EYS: variants seen among roughly 807,000 people sequenced by gnomAD.
EYS encodes the protein protein eyes shut homolog.
EYS carries 250 observed loss-of-function variants against 282.1 expected under a neutral mutation model. That is an observed-to-expected ratio of 0.89 (90% confidence interval 0.80 to 0.98). EYS has a LOEUF of 0.98. EYS is among the 50% of genes least tolerant of loss of function. The probability of loss-of-function intolerance (pLI) is 0.00; values close to 1 mark genes in which losing one functional copy is unlikely to be tolerated. For synonymous variants in EYS, 1,355 were observed against 1,282.9 expected, an observed-to-expected ratio of 1.06 and a Z score of -1.20; for missense variants, 4,016 against 3,709.0, an observed-to-expected ratio of 1.08 and a Z score of -2.15.
chr6:64,194,187 A>T (rs906583338), intron 31 of EYS, among the ~76,000 whole-genome samples: 7 of 152,126 alleles, frequency 4.6e-5, no homozygotes, highest in Admixed American at 2.6e-4. Context: ...ATAGTTTTTA[A>T]CAAAACTTAG....
chr6:64,085,298 C>T (rs191095199), intron 31 of EYS, among the ~76,000 whole-genome samples: 84 of 147,966 alleles, frequency 5.7e-4, no homozygotes, highest in Middle Eastern at 7.1e-3. Flanking sequence ...CTCTCTCCCC[C>T]TCCTTCTCCT....
At chr6:65,079,071 A>C (rs1001144168) in intron 12 of EYS, among the ~76,000 whole-genome samples, 1 of 151,926 alleles carries the variant, frequency 6.6e-6, no homozygotes, top group African/African-American at 2.4e-5. Context: ...TCTCTTTATA[A>C]ATTGCTCAGT....
chr6:64,747,695 C>G (rs114993761), intron 22 of EYS, among the ~76,000 whole-genome samples: 1 of 152,124 alleles, frequency 6.6e-6, no homozygotes, highest in Admixed American at 6.6e-5. Context: ...CACTTAATAG[C>G]GCCTTCATTT....
Position 65,345,428 on chromosome 6 carries a change from G to T in EYS, c.1460-1251C>A, listed in dbSNP as rs546735335. On this transcript the variant is annotated intron_variant, in intron 9 of 42. Coordinates refer to ENST00000503581, the MANE Select transcript of EYS (RefSeq NM_001142800.2). ...TATGTGTTCCTCCCTCTGTGTTTTT[G>T]TGCAAATTTATGTAGTATTAGAATG... 4.0e-5 allele frequency among the ~76,000 whole-genome samples: 6 copies of T among 151,812 alleles called. No individual in the cohort carries two copies. The East Asian group carries it at 1.2e-3, about 30-fold the overall frequency.
At position 64,130,244 on chromosome 6, in the gene EYS, C is replaced by T. The variant is rs190225238; in HGVS notation, c.6425-48242G>A. ...TGGAACCAACCCAAATGTCCAACAA[C>T]GATCGACTGGATTAAGAAAGTGTGG... is the stretch of plus-strand genomic sequence containing the variant. On this transcript the variant is annotated intron_variant, in intron 31 of 42. Coordinates refer to ENST00000503581, the MANE Select transcript of EYS (RefSeq NM_001142800.2). 1.1e-3 allele frequency among the ~76,000 whole-genome samples: 174 copies of T among 152,264 alleles called. 3 individuals carry two copies. Among genetic ancestry groups the T allele is most frequent in the African/African-American group, 5.1e-4 (21 of 41,536 alleles).
chr6:65,590,838 C>T (rs1426910663), intron 2 of EYS, among the ~76,000 whole-genome samples: 1 of 151,546 alleles, frequency 6.6e-6, no homozygotes, highest in Non-Finnish European at 1.5e-5. Flanking sequence ...CATAATATTA[C>T]ATTGGGTAAA....
intron 40 of EYS, among the ~76,000 whole-genome samples, chr6:63,765,261 T>A (rs1187329280): frequency 1.3e-5 from 2 of 152,058 alleles, no homozygotes; most frequent in Admixed American, 6.6e-5. Flanking sequence ...CATGGACTTC[T>A]GTATTTTGGA....
intron 22 of EYS, among the ~76,000 whole-genome samples, chr6:64,759,069 G>C (rs1773074651): frequency 6.6e-6 from 1 of 152,138 alleles, no homozygotes; most frequent in African/African-American, 2.4e-5. Context: ...AACCCGGGAG[G>C]CGAAGCTTGC....
intron 14 of EYS, among the ~76,000 whole-genome samples, chr6:64,960,557 A>G (rs1410223813): frequency 6.6e-6 from 1 of 152,142 alleles, no homozygotes; most frequent in African/African-American, 2.4e-5. Flanking sequence ...GATTCAACTT[A>G]TATCTACAAT....
At chr6:65,608,416 G>A (rs1053724938) in intron 2 of EYS, among the ~76,000 whole-genome samples, 5 of 152,060 alleles carry the variant, frequency 3.3e-5, no homozygotes, top group Non-Finnish European at 7.4e-5. Flanking sequence ...CAGTGAGTGA[G>A]TGCTGAGTGA....
intron 35 of EYS, among the ~76,000 whole-genome samples, chr6:63,918,369 G>T (rs1042595829): frequency 6.6e-6 from 1 of 152,146 alleles, no homozygotes. Flanking sequence ...ATACTAGGTT[G>T]CATGCCTACT....
At chr6:65,102,943 G>C (rs1774934942) in intron 12 of EYS, among the ~76,000 whole-genome samples, 1 of 151,352 alleles carries the variant, frequency 6.6e-6, no homozygotes, top group African/African-American at 2.4e-5. Flanking sequence ...TGACATGACT[G>C]TACAAAAGTG....
chr6:63,904,055 T>A lies in EYS; in HGVS notation c.7056-39697A>T, dbSNP rs1003361554. Among the ~76,000 whole-genome samples the A allele has an allele frequency of 8.5e-5, 13 of 152,354 alleles. No individual in the cohort carries two copies. The South Asian group carries it at 1.7e-3, about 19-fold the overall frequency. On this transcript the variant is annotated intron_variant, in intron 35 of 42. Transcript: ENST00000503581. ...CTCCAGTCTTATCCACTGTTTATTT[T>A]TCTATAGCTTTTCTCATGTAGTGTC...
At chr6:64,295,240 T>C (rs115831664) in intron 30 of EYS, among the ~76,000 whole-genome samples, 3,809 of 145,626 alleles carry the variant, frequency 0.026, 170 homozygotes, top group African/African-American at 0.095. Context: ...GCCGTTTTTT[T>C]AGTTAATGGG....
intron 42 of EYS, among the ~76,000 whole-genome samples, chr6:63,724,085 G>T (rs1331423525): frequency 6.6e-6 from 1 of 152,158 alleles, no homozygotes; most frequent in African/African-American, 2.4e-5. Context: ...GGGATTACAG[G>T]CATATGCCAC....
chr6:63,877,481 G>A (rs952003008), intron 35 of EYS, among the ~76,000 whole-genome samples: 2 of 152,100 alleles, frequency 1.3e-5, no homozygotes, highest in Non-Finnish European at 2.9e-5. Context: ...GTTTCTTTGT[G>A]GCGTTCTCTG....
At chr6:64,114,294 C>A (rs186218219) in intron 31 of EYS, among the ~76,000 whole-genome samples, 7 of 152,088 alleles carry the variant, frequency 4.6e-5, no homozygotes, top group Admixed American at 3.3e-4. Context: ...AATTTTATTT[C>A]TGGTGTTTAT....
intron 12 of EYS, among the ~76,000 whole-genome samples, chr6:65,188,110 A>G (rs1391510012): frequency 6.6e-6 from 1 of 151,618 alleles, no homozygotes; most frequent in Non-Finnish European, 1.5e-5. Context: ...TGAAAGGTTA[A>G]TAAAGTATAT....
At chr6:65,439,309 A>G (rs1438411947) in intron 5 of EYS, among the ~76,000 whole-genome samples, 1 of 152,146 alleles carries the variant, frequency 6.6e-6, no homozygotes, top group African/African-American at 2.4e-5. Flanking sequence ...CTTTTGGCTT[A>G]GGATTGACTT....
Sources: allele counts gnomAD v4.1 joint callset (sites outside exome capture counted in the v4.1 genomes callset), GRCh38; gene constraint gnomAD v4.1.1; transcripts MANE v1.5; gene names NCBI Gene and HGNC (gene_info 2026-07-23, HGNC 2026-07-21).